C3: variants seen among roughly 807,000 people sequenced by gnomAD.
C3 encodes the protein C3 and PZP-like alpha-2-macroglobulin domain-containing protein 1.
C3 carries 97 observed loss-of-function variants against 207.9 expected under a neutral mutation model. The observed-to-expected ratio is 0.47, with a 90% CI of 0.40 to 0.55. C3 has a LOEUF of 0.55. Among genes scored for constraint, C3 ranks in the 20% least tolerant of loss-of-function variants. The probability of loss-of-function intolerance (pLI) is 0.00; values close to 1 mark genes in which losing one functional copy is unlikely to be tolerated. For missense variants in C3, 1,684 were observed against 2,171.7 expected (o/e 0.78, Z 4.46); for synonymous variants, 848 against 857.6 (o/e 0.99, Z 0.20).
At chr19:6,709,611 T>TGCCCCCCCCCCCCCCCCCCC in intron 14 of C3, 73 bp downstream of exon 14, 1 of 1,109,438 alleles carries the variant, frequency 9.0e-7, no homozygotes, top group Non-Finnish European at 1.4e-6. Context: ...CCCTCTCCAG[T>TGCCCCCCCCCCCCCCCCCCC]CCCACCCACC....
chr19:6,687,828 G>GT (rs1918047783), intron 27 of C3, among the ~76,000 whole-genome samples: 1 of 150,882 alleles, frequency 6.6e-6, no homozygotes, highest in Non-Finnish European at 1.5e-5. Context: ...AACTTTGTTT[G>GT]TTTGGTTGGT....
intron 21 of C3, among the ~76,000 whole-genome samples, chr19:6,697,047 A>AAAAAAAAG (rs1360360822): frequency 1.3e-5 from 1 of 77,604 alleles, no homozygotes; most frequent in East Asian, 6.6e-4. Flanking sequence ...GTCTCAAAAA[A>AAAAAAAAG]ATAAACAAAC....
In C3 at chr19:6,707,807, C is replaced by G. The variant is rs1226051289; in HGVS notation, c.1968G>C (p.Gln656His). Residue 656 changes from glutamine (Q) to histidine (H), a missense_variant, in exon 15 of 41, where the codon CAG becomes CAC. Gln to His is a conservative substitution (Grantham distance 24, BLOSUM62 0). Around this residue, in one of 3 missense-constraint regions of C3, gnomAD observed 1,280 missense variants for 1,739.1 expected, o/e 0.74. Coordinates refer to ENST00000245907, the MANE Select transcript of C3 (RefSeq NM_000064.4). ...CCCTGGTGGCGACCTCACCTGCCCT[C>G]TGGGCGGTCTGCTGGCCACTGCTGC... Reference protein sequence around the residue: ...FTSSSGQQTAQRAELQCPQPA... With the variant: ...FTSSSGQQTAHRAELQCPQPA... The G allele has an allele frequency of 6.2e-7, 1 of 1,613,586 alleles. No homozygotes were observed. Among genetic ancestry groups the G allele is most frequent in the Admixed American group, 1.7e-5 (1 of 60,018 alleles).
At chr19:6,713,682 CT>C (rs1967968766) in intron 7 of C3, 173 bp from the exon 8 acceptor site, 1 of 483,530 alleles carries the variant, frequency 2.1e-6, no homozygotes, top group African/African-American at 2.8e-5. Context: ...CCTTGCCCCA[CT>C]CCCACCCCCC....
intron 7 of C3, 198 bp downstream of exon 7, chr19:6,713,773 CACCCCCCAGCCCCCCACCTGG>C: frequency 3.2e-6 from 1 of 313,184 alleles, no homozygotes; most frequent in Non-Finnish European, 5.7e-6. Flanking sequence ...CACCTGACTC[CACCCCCCAGCCCCCCACCTGG>C]TCCCACCCCC....
chr19:6,684,704 G>A, intron 31 of C3, 54 bp from the exon 32 acceptor site: 13 of 1,601,790 alleles, frequency 8.1e-6, no homozygotes, highest in Non-Finnish European at 1.0e-5. Flanking sequence ...AGGACTGCTG[G>A]GGACAAGAGG....
intron 4 of C3, 78 bp from the exon 5 acceptor site, chr19:6,714,524 C>A (rs1483357289): frequency 7.1e-6 from 7 of 991,560 alleles, no homozygotes; most frequent in Middle Eastern, 2.1e-4. Context: ...CTCTCCCCGA[C>A]CTGTGTCTGG....
intron 34 of C3, 38 bp from the exon 35 acceptor site, chr19:6,682,068 A>T: frequency 6.2e-7 from 1 of 1,604,224 alleles, no homozygotes; most frequent in African/African-American, 1.3e-5. Context: ...TCCCTCCTGG[A>T]CCCCTCTCTC....
intron 17 of C3, among the ~76,000 whole-genome samples, chr19:6,704,897 C>CAA (rs1197483325): frequency 5.2e-5 from 6 of 114,928 alleles, no homozygotes; most frequent in African/African-American, 6.1e-5. Flanking sequence ...GATTCCATCT[C>CAA]AAAAAAAAAA....
chr19:6,702,322 G>C, intron 18 of C3, 110 bp from the exon 19 acceptor site: 1 of 946,384 alleles, frequency 1.1e-6, no homozygotes, highest in Non-Finnish European at 1.7e-6. Context: ...GTCTGGGGGT[G>C]CCTCCATGTA....
At chr19:6,713,136 C>T in intron 9 of C3, 53 bp downstream of exon 9, 1 of 1,610,040 alleles carries the variant, frequency 6.2e-7, no homozygotes, top group Non-Finnish European at 8.5e-7. Context: ...GGTCTCCCCT[C>T]TCAGACCGGC....
chr19:6,690,803 C>T, intron 26 of C3, 76 bp from the exon 27 acceptor site: 1 of 1,150,818 alleles, frequency 8.7e-7, no homozygotes, highest in Admixed American at 1.9e-5. Context: ...CTTGCAGATT[C>T]AGAATCAGGG....
At chr19:6,710,583 AG>A in intron 13 of C3, 55 bp downstream of exon 13, 1 of 1,340,962 alleles carries the variant, frequency 7.5e-7, no homozygotes, top group East Asian at 2.4e-5. Flanking sequence ...GGAGAGAGAG[AG>A]AGAGAGAGGA....
intron 17 of C3, among the ~76,000 whole-genome samples, chr19:6,703,295 C>G (rs1268724435): frequency 6.6e-6 from 1 of 152,058 alleles, no homozygotes; most frequent in Non-Finnish European, 1.5e-5. Flanking sequence ...TCATTCCTTT[C>G]CCTTTGATTT....
rs779219365 is a variant in C3 at position 6,679,468 on chromosome 19, C to G, written c.4485G>C (p.Pro1495=). 1 of 1,613,456 alleles carries G rather than the reference C, an allele frequency of 6.2e-7. No individual in the cohort carries two copies. The highest frequency in any genetic ancestry group is 1.7e-5 in the Admixed American group (1 of 60,018). ...TGTTCAGCTTTCCATCCTCCTTTTC[C>G]GGATGGTAGAACCGGGTACAGCTTT... The part of the protein sequence containing the change: ...LEESCTRFYH[P]EKEDGKLNKL... The change falls in exon 37 of 41, where the codon CCG becomes CCC. Residue 1495 remains proline (P), a synonymous_variant. Coordinates refer to ENST00000245907, the MANE Select transcript of C3 (RefSeq NM_000064.4).
intron 4 of C3, among the ~76,000 whole-genome samples, chr19:6,714,923 A>G (rs1968001212): frequency 6.6e-6 from 1 of 152,096 alleles, no homozygotes; most frequent in African/African-American, 2.4e-5. Context: ...TGTGCCACTT[A>G]CAAGCTGTGT....
intron 11 of C3, among the ~76,000 whole-genome samples, chr19:6,712,027 G>A (rs578218016): frequency 6.6e-6 from 1 of 151,630 alleles, no homozygotes; most frequent in Non-Finnish European, 1.5e-5. Flanking sequence ...AACCCCTCTA[G>A]GCAAATGAGA....
intron 11 of C3, 136 bp from the exon 12 acceptor site, chr19:6,711,332 G>A (rs149838796): frequency 4.4e-5 from 32 of 719,528 alleles, no homozygotes; most frequent in Non-Finnish European, 6.2e-5. Flanking sequence ...ATCTGGAGAT[G>A]GAATCATTAT....
In C3 at chr19:6,680,063, T is replaced by C. The variant is rs186368354; in HGVS notation, c.4456+95A>G. ...CGAATGCTCAAATCCCTGGACTCCT[T>C]AGACCTTCATTCTCAGATCCCCACA... On this transcript the variant is annotated intron_variant, in intron 36 of 40. Transcript: ENST00000245907. 6.4e-4 allele frequency: 502 copies of C among 789,588 alleles called. 3 individuals are homozygous for C. The highest frequency in any genetic ancestry group is 6.4e-3 in the Admixed American group (363 of 57,134). The allele number at this position is 789,588 out of a possible 1,614,324, so 48.9% of individuals were successfully genotyped here. A position where few individuals can be genotyped will look rare whatever the true frequency, so the allele number is the denominator to read the frequency against.
Sources: allele counts gnomAD v4.1 joint callset (sites outside exome capture counted in the v4.1 genomes callset), GRCh38; gene constraint gnomAD v4.1.1; regional missense constraint gnomAD v4.1.1; transcripts MANE v1.5; gene names NCBI Gene and HGNC (gene_info 2026-07-23, HGNC 2026-07-21).